The following MAP4K3 variants were observed in gnomAD, a reference collection of about 807,000 sequenced individuals.
MAP4K3 encodes MAPK/ERK kinase kinase kinase 3.
Under a neutral mutation model 143.5 loss-of-function variants are expected in MAP4K3, and 94 were observed. That is an observed-to-expected ratio of 0.65 (90% CI 0.55 to 0.78). MAP4K3 has a LOEUF of 0.78. Among genes scored for constraint, MAP4K3 ranks in the 30% least tolerant of loss-of-function variants. The pLI, the probability that MAP4K3 is intolerant of heterozygous loss-of-function variation, is 0.00. For synonymous variants in MAP4K3, 416 were observed against 347.2 expected (o/e 1.20, Z -2.20); for missense variants, 1,077 against 1,068.1 (o/e 1.01, Z -0.12).
chr2:39,392,627 G>C (rs1666697477), intron 1 of MAP4K3, among the ~76,000 whole-genome samples: 1 of 152,196 alleles, frequency 6.6e-6, no homozygotes, highest in Admixed American at 6.5e-5. Flanking sequence ...GGTCTGAATG[G>C]GTCCCTCAAA....
chr2:39,251,792 G>A (rs929452296), intron 33 of MAP4K3, 38 bp downstream of exon 33: 14 of 1,536,566 alleles, frequency 9.1e-6, no homozygotes, highest in South Asian at 4.5e-5. Flanking sequence ...TATAAAACAC[G>A]TTTAGTACTG....
At chr2:39,319,812 T>C (rs1201493499) in intron 12 of MAP4K3, among the ~76,000 whole-genome samples, 2 of 152,206 alleles carry the variant, frequency 1.3e-5, no homozygotes, top group East Asian at 3.8e-4. Flanking sequence ...CCTCTCTTGA[T>C]TGCATTCATT....
At chr2:39,409,740 A>T (rs372356146) in intron 1 of MAP4K3, among the ~76,000 whole-genome samples, 1 of 152,236 alleles carries the variant, frequency 6.6e-6, no homozygotes, top group African/African-American at 2.4e-5. Flanking sequence ...TGTGAACAGA[A>T]ATAGACTAAA....
chr2:39,319,319 C>G (rs1221247896), intron 12 of MAP4K3, among the ~76,000 whole-genome samples: 1 of 151,856 alleles, frequency 6.6e-6, no homozygotes, highest in Non-Finnish European at 1.5e-5. Flanking sequence ...AATACGGAAA[C>G]TAAAACCTTA....
Position 39,250,374 on chromosome 2 carries a change from G to GA in MAP4K3, c.*243dup. The GA allele has an allele frequency of 2.5e-6, 1 of 396,384 alleles. No homozygotes were observed. 24.6% of individuals were successfully genotyped at this position (396,384 alleles called of 1,614,324 possible). ...GTCTTCAGCAATATGAAGTTTCACA[G>GA]AAAAAATACTGCCTATATGTACAAA... On this transcript the variant is annotated 3_prime_UTR_variant, in exon 34 of 34. Coordinates refer to ENST00000263881, the MANE Select transcript of MAP4K3 (RefSeq NM_003618.4).
chr2:39,301,509 T>A, intron 15 of MAP4K3, among the ~76,000 whole-genome samples: 1 of 152,194 alleles, frequency 6.6e-6, no homozygotes. Flanking sequence ...GGGCCCTCTA[T>A]CAGACCAGCT....
rs1680171780 is a variant in MAP4K3, at chr2:39,252,015, T to G, written c.2542-130A>C. ...GAAAACATATTCCTGCATGACTGTTTGTTAAAGTCAGCATGTAGATACATC... is the reference window on the plus strand; with the variant it reads ...GAAAACATATTCCTGCATGACTGTTGGTTAAAGTCAGCATGTAGATACATC... On this transcript the variant is annotated intron_variant, in intron 32 of 33. Transcript: ENST00000263881. The G allele has an allele frequency of 7.5e-6, 5 of 670,182 alleles. No individual in the cohort carries two copies. In the Admixed American group the frequency reaches 1.2e-4, roughly 16 times the overall value. The allele number at this position is 670,182 out of a possible 1,614,324, so 41.5% of individuals were successfully genotyped here. A position where few individuals can be genotyped will look rare whatever the true frequency, so the allele number is the denominator to read the frequency against.
chr2:39,357,754 A>G (rs1665651297), intron 2 of MAP4K3, among the ~76,000 whole-genome samples: 5 of 152,248 alleles, frequency 3.3e-5, no homozygotes. Context: ...AAAATTAGGA[A>G]TAATAAAGCC....
At chr2:39,277,891 CGCTGGGGTGGGGTG>C (rs1316993125) in intron 24 of MAP4K3, among the ~76,000 whole-genome samples, 4 of 151,180 alleles carry the variant, frequency 2.6e-5, no homozygotes, top group African/African-American at 9.7e-5. Context: ...GAATAAAAGA[CGCTGGGGTGGGGTG>C]GCTCATATCT....
chr2:39,301,918 G>C (rs983929643), intron 15 of MAP4K3, among the ~76,000 whole-genome samples: 1 of 152,050 alleles, frequency 6.6e-6, no homozygotes, highest in African/African-American at 2.4e-5. Context: ...CAGCTACTCG[G>C]GAGGCTGAGG....
At chr2:39,302,195 A>G (rs1252757784) in intron 15 of MAP4K3, among the ~76,000 whole-genome samples, 5 of 152,192 alleles carry the variant, frequency 3.3e-5, no homozygotes, top group African/African-American at 1.2e-4. Flanking sequence ...AGTTGTAGAT[A>G]CATCCAAGTC....
chr2:39,257,637 A>G (rs1305895691), intron 31 of MAP4K3, among the ~76,000 whole-genome samples: 1 of 151,882 alleles, frequency 6.6e-6, no homozygotes, highest in African/African-American at 2.4e-5. Context: ...CGTCTCTACT[A>G]AAAATACAAA....
At chr2:39,367,650 A>G (rs1237270465) in intron 2 of MAP4K3, among the ~76,000 whole-genome samples, 1 of 152,156 alleles carries the variant, frequency 6.6e-6, no homozygotes, top group Non-Finnish European at 1.5e-5. Context: ...GGAAGCCTGT[A>G]GTCCCAGATA....
chr2:39,313,674 G>A (rs1001856231), intron 13 of MAP4K3, among the ~76,000 whole-genome samples: 6 of 152,020 alleles, frequency 3.9e-5, no homozygotes, highest in South Asian at 2.1e-4. Flanking sequence ...CAACAGGCCC[G>A]GCTAATTTTT....
At position 39,419,113 on chromosome 2, in the gene MAP4K3, G is replaced by A. The variant is rs112469292; in HGVS notation, c.96+17779C>T. 7.2e-5 allele frequency among the ~76,000 whole-genome samples: 11 copies of A among 152,140 alleles called. 1 individual carries two copies. In the East Asian group the frequency reaches 2.1e-3, roughly 29 times the overall value. On this transcript the variant is annotated intron_variant, in intron 1 of 33. Transcript: ENST00000263881. ...TTTTTAAAAATCTTATATAGTAAGT[G>A]AAATATTTTAAATAATGTTTTAAAT...
At chr2:39,269,857 T>G (rs1263313761) in intron 26 of MAP4K3, among the ~76,000 whole-genome samples, 2 of 152,140 alleles carry the variant, frequency 1.3e-5, no homozygotes, top group African/African-American at 4.8e-5. Flanking sequence ...AACTTTACAT[T>G]AGGAAAAGTT....
chr2:39,263,929 T>C (rs147004390), intron 28 of MAP4K3, among the ~76,000 whole-genome samples: 4 of 152,332 alleles, frequency 2.6e-5, no homozygotes, highest in African/African-American at 9.6e-5. Context: ...TATATTAGCA[T>C]AAATGGTTTA....
intron 12 of MAP4K3, among the ~76,000 whole-genome samples, chr2:39,321,301 G>A (rs72472994): frequency 2.0e-5 from 3 of 151,992 alleles, no homozygotes; most frequent in South Asian, 2.1e-4. Context: ...CCCCAACCCC[G>A]TGCTCTCTGA....
At chr2:39,345,795 G>A (rs1665272480) in intron 3 of MAP4K3, among the ~76,000 whole-genome samples, 1 of 151,490 alleles carries the variant, frequency 6.6e-6, no homozygotes, top group African/African-American at 2.4e-5. Context: ...GGTGGTGGGT[G>A]CCTGTAGTCC....
Sources: allele counts gnomAD v4.1 joint callset (sites outside exome capture counted in the v4.1 genomes callset), GRCh38; gene constraint gnomAD v4.1.1; transcripts MANE v1.5; gene names NCBI Gene and HGNC (gene_info 2026-07-23, HGNC 2026-07-21).